Variants in NRXN3 observed in about 807,000 individuals in gnomAD.
NRXN3 encodes the protein neurexin 3.
Under a neutral mutation model 137.6 loss-of-function variants are expected in NRXN3, and 32 were observed. The observed-to-expected ratio is 0.23, with a 90% confidence interval of 0.18 to 0.31. NRXN3 has a LOEUF of 0.31. Ranked by LOEUF, NRXN3 falls within the 10% of genes least tolerant of loss-of-function variation. The pLI is 1.00. For synonymous variants in NRXN3, 798 were observed against 784.5 expected (o/e 1.02, Z -0.29); for missense variants, 1,574 against 2,062.5 (o/e 0.76, Z 4.59).
chr14:78,322,745 G>A (rs17107344), intron 4 of NRXN3, among the ~76,000 whole-genome samples: 2 of 151,828 alleles, frequency 1.3e-5, no homozygotes, highest in Admixed American at 6.6e-5. Flanking sequence ...CACTATCCCA[G>A]GTGCCGTCTT....
At chr14:79,441,388 T>TTTC (rs2095946275) in intron 15 of NRXN3, among the ~76,000 whole-genome samples, 1 of 124,216 alleles carries the variant, frequency 8.1e-6, no homozygotes. Context: ...TTTTTTTTTT[T>TTTC]TTTTTTTTTG....
At chr14:79,523,019 C>T (rs2153705331) in intron 16 of NRXN3, among the ~76,000 whole-genome samples, 1 of 146,190 alleles carries the variant, frequency 6.8e-6, no homozygotes, top group East Asian at 2.2e-4. Flanking sequence ...GTTGCTTTCT[C>T]TCTTTCCTAG....
intron 15 of NRXN3, among the ~76,000 whole-genome samples, chr14:79,217,096 C>T (rs1207205463): frequency 6.6e-6 from 1 of 151,726 alleles, no homozygotes; most frequent in Admixed American, 6.6e-5. Flanking sequence ...GAGATCACAC[C>T]ACTGCATTCC....
intron 4 of NRXN3, among the ~76,000 whole-genome samples, chr14:78,582,141 A>G (rs1410038999): frequency 6.6e-6 from 1 of 152,242 alleles, no homozygotes; most frequent in African/African-American, 2.4e-5. Flanking sequence ...GGTTTCCTGC[A>G]GCTGCAGGAC....
chr14:78,227,308 T>G (rs1315769506), intron 1 of NRXN3, among the ~76,000 whole-genome samples: 1 of 152,196 alleles, frequency 6.6e-6, no homozygotes, highest in Non-Finnish European at 1.5e-5. Context: ...AACCATGTTC[T>G]GTCTCTGAGC....
intron 10 of NRXN3, among the ~76,000 whole-genome samples, chr14:78,851,114 G>A (rs532256796): frequency 1.3e-5 from 2 of 152,244 alleles, no homozygotes; most frequent in Admixed American, 1.3e-4. Context: ...ATTGTTGGAG[G>A]TTGGTATAGT....
At chr14:79,537,511 A>G (rs942790891) in intron 16 of NRXN3, among the ~76,000 whole-genome samples, 1 of 151,964 alleles carries the variant, frequency 6.6e-6, no homozygotes, top group South Asian at 2.1e-4. Flanking sequence ...TCATTGTTCA[A>G]TTCCCACCTA....
chr14:78,275,004 A>G (rs1452010363), intron 2 of NRXN3, among the ~76,000 whole-genome samples: 8 of 152,190 alleles, frequency 5.3e-5, no homozygotes, highest in Admixed American at 6.5e-5. Context: ...AACTAACTGA[A>G]CAGGTACAGC....
intron 1 of NRXN3, among the ~76,000 whole-genome samples, chr14:78,235,548 G>A (rs942381790): frequency 3.3e-5 from 5 of 151,286 alleles, no homozygotes; most frequent in African/African-American, 1.2e-4. Context: ...AGGAATTTAG[G>A]TTAGCCTGAC....
At chr14:79,530,107 C>A (rs2097156409) in intron 16 of NRXN3, among the ~76,000 whole-genome samples, 1 of 152,038 alleles carries the variant, frequency 6.6e-6, no homozygotes, top group African/African-American at 2.4e-5. Flanking sequence ...TTTAGGAGGT[C>A]CCTGAGTTAG....
At chr14:78,634,429 C>T (rs193292016) in intron 4 of NRXN3, among the ~76,000 whole-genome samples, 21 of 152,226 alleles carry the variant, frequency 1.4e-4, no homozygotes, top group Admixed American at 1.2e-3. Flanking sequence ...CTGCTCACAG[C>T]GTATGGTTAA....
intron 15 of NRXN3, among the ~76,000 whole-genome samples, chr14:79,265,974 C>T (rs181963078): frequency 6.6e-5 from 10 of 152,182 alleles, no homozygotes; most frequent in Admixed American, 2.0e-4. Flanking sequence ...GCAGGAGAGA[C>T]GTGGGACAGG....
chr14:78,491,335 A>T (rs929472675), intron 4 of NRXN3, among the ~76,000 whole-genome samples: 1 of 152,092 alleles, frequency 6.6e-6, no homozygotes, highest in African/African-American at 2.4e-5. Flanking sequence ...TCCTGCCACT[A>T]CCATGTGGCC....
At chr14:78,706,153 T>C (rs2098346036) in intron 6 of NRXN3, among the ~76,000 whole-genome samples, 2 of 152,200 alleles carry the variant, frequency 1.3e-5, no homozygotes, top group African/African-American at 4.8e-5. Flanking sequence ...TGACCTATTG[T>C]TATACATTAA....
intron 15 of NRXN3, among the ~76,000 whole-genome samples, chr14:79,314,696 C>T (rs368026018): frequency 4.2e-5 from 6 of 143,236 alleles, no homozygotes; most frequent in Non-Finnish European, 7.6e-5. Flanking sequence ...CAGTGGTTCT[C>T]CCAGCACGCA....
intron 15 of NRXN3, among the ~76,000 whole-genome samples, chr14:79,224,602 T>C (rs570795396): frequency 6.6e-6 from 1 of 152,136 alleles, no homozygotes; most frequent in East Asian, 1.9e-4. Flanking sequence ...TTGAGCAGTG[T>C]TCCTCCAAAA....
At chr14:79,204,240 A>AT (rs1312884605) in intron 15 of NRXN3, among the ~76,000 whole-genome samples, 1 of 151,820 alleles carries the variant, frequency 6.6e-6, no homozygotes, top group Non-Finnish European at 1.5e-5. Flanking sequence ...TACATTTATA[A>AT]TTGTGAAGCT....
In NRXN3 at chr14:79,178,552, GT is replaced by G. The variant is rs778803866; in HGVS notation, c.3262+190413del. On this transcript the variant is annotated intron_variant, in intron 15 of 20. Coordinates refer to ENST00000335750, the MANE Select transcript of NRXN3 (RefSeq NM_001330195.2). ...GCCTCTTGATTGAGTTATAGCTATT[GT>G]TACTAATTTATTGCTAGTTTTTACA... Among the ~76,000 whole-genome samples the G allele has an allele frequency of 3.9e-5, 6 of 152,092 alleles. No individual in the cohort carries two copies. In the East Asian group the frequency reaches 5.8e-4, roughly 15 times the overall value.
intron 19 of NRXN3, among the ~76,000 whole-genome samples, chr14:79,708,023 C>T (rs566198401): frequency 4.1e-4 from 62 of 151,970 alleles, no homozygotes; most frequent in African/African-American, 1.3e-3. Context: ...TTTTCTATAT[C>T]TCCCCTCTTT....
Sources: gnomAD v4.1 joint callset for allele counts (sites outside exome capture counted in the v4.1 genomes callset) on GRCh38, gnomAD v4.1.1 for gene constraint, MANE v1.5 for transcripts, NCBI Gene and HGNC (gene_info 2026-07-23, HGNC 2026-07-21) for gene names.